Variants in ABCC4 observed in about 807,000 individuals in gnomAD.
ABCC4 encodes ATP binding cassette subfamily C member 4 (PEL blood group).
In ABCC4, 102 loss-of-function variants were observed where a neutral mutation model predicts 168.5. The observed-to-expected ratio is 0.61, with a 90% CI of 0.52 to 0.71. The LOEUF is 0.71. Among genes scored for constraint, ABCC4 ranks in the 30% least tolerant of loss-of-function variants. ABCC4 has a pLI of 0.00. For synonymous variants in ABCC4, 617 were observed against 590.7 expected (o/e 1.04, Z -0.65); for missense variants, 1,402 against 1,605.8 (o/e 0.87, Z 2.17).
chr13:95,206,451 G>A (rs1009221572), intron 8 of ABCC4, 81 bp downstream of exon 8: 7 of 1,550,080 alleles, frequency 4.5e-6, no homozygotes, highest in Non-Finnish European at 6.2e-6. Context: ...CATTACACTG[G>A]AACATAGTGA....
chr13:95,247,234 G>T, intron 2 of ABCC4, 139 bp from the exon 3 acceptor site: 2 of 952,162 alleles, frequency 2.1e-6, no homozygotes, highest in Non-Finnish European at 1.6e-6. Context: ...TGCTCCCAGG[G>T]CTCCTGAAGG....
chr13:95,083,974 G>A (rs190415609), intron 20 of ABCC4, among the ~76,000 whole-genome samples: 1 of 152,136 alleles, frequency 6.6e-6, no homozygotes, highest in Non-Finnish European at 1.5e-5. Context: ...GAGCAAGCAG[G>A]CATCATAGAC....
intron 20 of ABCC4, among the ~76,000 whole-genome samples, chr13:95,102,280 G>A (rs2034836648): frequency 1.3e-5 from 2 of 152,130 alleles, no homozygotes; most frequent in Non-Finnish European, 2.9e-5. Flanking sequence ...GAGTAGCTGG[G>A]ACTACAGGCA....
intron 11 of ABCC4, among the ~76,000 whole-genome samples, chr13:95,183,911 C>G (rs1277628424): frequency 7.0e-6 from 1 of 142,374 alleles, no homozygotes; most frequent in Non-Finnish European, 1.5e-5. Flanking sequence ...GAGACTCCAT[C>G]TCAAAAAAAA....
chr13:95,248,911 A>G (rs1432132577), intron 1 of ABCC4, among the ~76,000 whole-genome samples: 1 of 152,142 alleles, frequency 6.6e-6, no homozygotes, highest in Non-Finnish European at 1.5e-5. Context: ...GTGATGACAC[A>G]TGCCTGTAAT....
intron 27 of ABCC4, among the ~76,000 whole-genome samples, chr13:95,047,420 A>G (rs2032624118): frequency 6.9e-6 from 1 of 145,648 alleles, no homozygotes. Context: ...TCAATAGATA[A>G]TATCTATTCT....
intron 30 of ABCC4, among the ~76,000 whole-genome samples, chr13:95,030,060 G>A (rs550154895): frequency 1.1e-3 from 161 of 151,880 alleles, no homozygotes; most frequent in Non-Finnish European, 2.0e-3. Context: ...TTGCTCTGCC[G>A]CCCAGGCTAG....
chr13:95,084,842 T>C (rs1555309741), intron 20 of ABCC4, among the ~76,000 whole-genome samples: 1 of 152,176 alleles, frequency 6.6e-6, no homozygotes, highest in Non-Finnish European at 1.5e-5. Flanking sequence ...GAAATTACCT[T>C]GGTCTAAAAG....
chr13:95,058,567 C>CAAAAAAAA (rs1165324016), intron 26 of ABCC4, among the ~76,000 whole-genome samples: 5 of 62,784 alleles, frequency 8.0e-5, no homozygotes, highest in Non-Finnish European at 1.2e-4. Context: ...GACTCCATCT[C>CAAAAAAAA]AAAAAAAAAA....
rs757880054 is a variant in ABCC4 at position 95,044,346 on chromosome 13, T to A, written c.3549A>T (p.Gln1183His). Residue 1183 changes from glutamine (Q) to histidine (H), a missense_variant, in exon 28 of 31, where the codon CAA (glutamine) becomes CAT (histidine). Gln to His is a conservative substitution (Grantham distance 24). Around this residue, in one of 3 missense-constraint regions of ABCC4, gnomAD observed 1,007 missense variants for 1,127.3 expected, o/e 0.89. Transcript: ENST00000645237. ...SGSNFSVGQR[Q>H]LVCLARAILR... ...GAATTGCCCTGGCAAGGCACACCAGTTGTCTTTGTCCAACACTAAAATTGG... is the reference window on the plus strand; with the variant it reads ...GAATTGCCCTGGCAAGGCACACCAGATGTCTTTGTCCAACACTAAAATTGG... 1 of 1,613,896 alleles carries A rather than the reference T, an allele frequency of 6.2e-7. No homozygotes were observed. Among genetic ancestry groups the A allele is most frequent in the South Asian group, 1.1e-5 (1 of 90,982 alleles).
intron 30 of ABCC4, among the ~76,000 whole-genome samples, chr13:95,030,782 T>A (rs137860395): frequency 4.6e-5 from 7 of 152,340 alleles, no homozygotes; most frequent in African/African-American, 1.7e-4. Flanking sequence ...TGCTGTGGGT[T>A]AAGCCAGCTA....
intron 25 of ABCC4, among the ~76,000 whole-genome samples, chr13:95,070,779 T>G (rs1018218742): frequency 3.3e-5 from 5 of 152,104 alleles, no homozygotes; most frequent in Non-Finnish European, 7.4e-5. Context: ...GGCAAGGAGC[T>G]GGCCACGTAA....
chr13:95,201,694 C>T (rs1751028), intron 8 of ABCC4, among the ~76,000 whole-genome samples: 18,936 of 151,950 alleles, frequency 0.12, 1,392 homozygotes, highest in African/African-American at 0.2. Flanking sequence ...TGTGATGGGC[C>T]GGGTGCGGTG....
chr13:95,144,357 C>T (rs2036418376), intron 19 of ABCC4, among the ~76,000 whole-genome samples: 1 of 151,722 alleles, frequency 6.6e-6, no homozygotes, highest in African/African-American at 2.4e-5. Flanking sequence ...GACAAGGAGG[C>T]CTACTCTCAC....
At chr13:95,272,237 C>T (rs547961909) in intron 1 of ABCC4, among the ~76,000 whole-genome samples, 3 of 151,840 alleles carry the variant, frequency 2.0e-5, no homozygotes, top group Non-Finnish European at 4.4e-5. Context: ...CTAGAGATAG[C>T]GTTTCACCAC....
At position 95,083,618 on chromosome 13, in the gene ABCC4, C is replaced by CTTG. The variant is rs2034170369; in HGVS notation, c.2536-329_2536-328insCAA. Among the ~76,000 whole-genome samples the CTTG allele has an allele frequency of 2.0e-5, 3 of 151,902 alleles. No homozygotes were observed. In the South Asian group the frequency reaches 6.3e-4, roughly 32 times the overall value. ...CTCCTCTCACTGCAGCCTCCCACTC[C>CTTG]CGTGTTCAAGTGATTCTCCTGCCTC... On this transcript the variant is annotated intron_variant, in intron 20 of 30. Coordinates refer to ENST00000645237, the MANE Select transcript of ABCC4 (RefSeq NM_005845.5).
chr13:95,117,330 G>A (rs1028548765), intron 19 of ABCC4, among the ~76,000 whole-genome samples: 2 of 151,906 alleles, frequency 1.3e-5, no homozygotes, highest in African/African-American at 4.8e-5. Context: ...AACCAAAAAG[G>A]TGCGATGATG....
chr13:95,166,090 A>C (rs2037260819), intron 15 of ABCC4, 68 bp downstream of exon 15: 1 of 1,361,986 alleles, frequency 7.3e-7, no homozygotes, highest in Non-Finnish European at 1.0e-6. Context: ...AACAGAGTAG[A>C]CCAAAGATCC....
Position 95,196,659 on chromosome 13 carries a change from A to C in ABCC4, c.1162-1722T>G, listed in dbSNP as rs1418282328. ...AAGGAAGGAAGGAAGGAAGGAAGGA[A>C]GGAAGGAAGGAAGGAAGGAAGGAAG... On this transcript the variant is annotated intron_variant, in intron 8 of 30. Transcript: ENST00000645237. Among the ~76,000 whole-genome samples, 49 of 35,612 alleles carry C rather than the reference A, an allele frequency of 1.4e-3. 4 individuals are homozygous for C. The highest frequency in any genetic ancestry group is 5.8e-3 in the African/African-American group (46 of 7,984). The allele number at this position is 35,612 out of a possible 152,430, so 23.4% of individuals were successfully genotyped here. A position where few individuals can be genotyped will look rare whatever the true frequency, so the allele number is the denominator to read the frequency against.
Sources: allele counts gnomAD v4.1 joint callset (sites outside exome capture counted in the v4.1 genomes callset), GRCh38; gene constraint gnomAD v4.1.1; regional missense constraint gnomAD v4.1.1; transcripts MANE v1.5; gene names NCBI Gene and HGNC (gene_info 2026-07-23, HGNC 2026-07-21).